HTR2A: variants seen among roughly 807,000 people sequenced by gnomAD.
HTR2A encodes the protein 5-hydroxytryptamine receptor 2A.
A neutral mutation model predicts 31.0 loss-of-function variants in HTR2A; 14 were observed. The observed-to-expected ratio is 0.45, with a 90% confidence interval of 0.30 to 0.71. HTR2A has a LOEUF of 0.71. HTR2A is among the 30% of genes least tolerant of loss of function. The pLI, the probability that HTR2A is intolerant of heterozygous loss-of-function variation, is 0.09. For synonymous variants in HTR2A, 209 were observed against 225.2 expected (o/e 0.93, Z 0.64); for missense variants, 442 against 573.3 (o/e 0.77, Z 2.34).
At chr13:46,885,849 T>C (rs1951001608) in intron 3 of HTR2A, among the ~76,000 whole-genome samples, 1 of 152,240 alleles carries the variant, frequency 6.6e-6, no homozygotes, top group African/African-American at 2.4e-5. Context: ...ACATGTTAAA[T>C]AAGTTTTATT....
At chr13:46,885,419 T>C (rs1006327484) in intron 3 of HTR2A, among the ~76,000 whole-genome samples, 2 of 152,208 alleles carry the variant, frequency 1.3e-5, no homozygotes, top group African/African-American at 4.8e-5. Context: ...GTTAACTGGG[T>C]AAATAAAACT....
In HTR2A at chr13:46,881,895, C is replaced by A. The variant is rs559182448; in HGVS notation, c.613+10495G>T. Among the ~76,000 whole-genome samples, 4 of 152,154 alleles carry A rather than the reference C, an allele frequency of 2.6e-5. No individual in the cohort carries two copies. In the East Asian group the frequency reaches 5.8e-4, roughly 22 times the overall value. On this transcript the variant is annotated intron_variant, in intron 3 of 3. Transcript: ENST00000542664. ...TACTCAGTTGATTTATTTTTTCAAGCATTTTTTTTCCAGAAGATACGGTAT... is the reference window on the plus strand; with the variant it reads ...TACTCAGTTGATTTATTTTTTCAAGAATTTTTTTTCCAGAAGATACGGTAT...
chr13:46,839,919 T>C (rs1950585812), intron 3 of HTR2A, among the ~76,000 whole-genome samples: 2 of 152,144 alleles, frequency 1.3e-5, no homozygotes, highest in Admixed American at 6.5e-5. Context: ...TTCTTAATCT[T>C]GGACTTTTTC....
rs1438759551 is a variant in HTR2A, at chr13:46,895,067, T to C, written c.412+428A>G. On this transcript the variant is annotated intron_variant, in intron 2 of 3. Coordinates refer to ENST00000542664, the MANE Select transcript of HTR2A (RefSeq NM_000621.5). This position sits in a 1 kb window ranked among gnomAD's most constrained non-coding sequence, Gnocchi z 4.4. ...TCCATTAAAAGTGCTGAAAACTGTG[T>C]GACAAAGATTAAAACTGTTCTGTCC... Among the ~76,000 whole-genome samples the C allele has an allele frequency of 6.6e-6, 1 of 152,202 alleles. No individual in the cohort carries two copies. The highest frequency in any genetic ancestry group is 1.5e-5 in the Non-Finnish European group (1 of 68,032).
chr13:46,866,625 G>C (rs970726183), intron 3 of HTR2A, among the ~76,000 whole-genome samples: 1 of 152,152 alleles, frequency 6.6e-6, no homozygotes, highest in African/African-American at 2.4e-5. Context: ...TTAGGAACTG[G>C]GGAGTCATCA....
chr13:46,865,318 G>A (rs1190779159), intron 3 of HTR2A, among the ~76,000 whole-genome samples: 1 of 152,178 alleles, frequency 6.6e-6, no homozygotes, highest in Non-Finnish European at 1.5e-5. Context: ...CAAGTGATAG[G>A]GAGGAAAGAG....
chr13:46,842,787 C>T (rs1593426540), intron 3 of HTR2A, among the ~76,000 whole-genome samples: 1 of 152,258 alleles, frequency 6.6e-6, no homozygotes, highest in South Asian at 2.1e-4. Context: ...CAACCAGTCA[C>T]AGAGTGTGAT....
chr13:46,845,510 C>T (rs1950634622), intron 3 of HTR2A, among the ~76,000 whole-genome samples: 1 of 152,034 alleles, frequency 6.6e-6, no homozygotes, highest in African/African-American at 2.4e-5. Flanking sequence ...TTTGTTCCTT[C>T]ATCCATCAAT....
At chr13:46,859,203 C>A (rs556838366) in intron 3 of HTR2A, among the ~76,000 whole-genome samples, 1 of 152,080 alleles carries the variant, frequency 6.6e-6, no homozygotes, top group African/African-American at 2.4e-5. Context: ...AAGAGAAGTA[C>A]CTATAATTTG....
In HTR2A at chr13:46,832,484, C is replaced by T. The variant is rs1447812980; in HGVS notation, c.*2353G>A. On this transcript the variant is annotated 3_prime_UTR_variant, in exon 4 of 4. Coordinates refer to ENST00000542664, the MANE Select transcript of HTR2A (RefSeq NM_000621.5). ...TAGTCAAAAGACATCTATCAGGCAA[C>T]ATTAATGTACATTCTGATCAAGATT... 3 of 152,144 alleles carry T rather than the reference C, an allele frequency of 2.0e-5. No homozygotes were observed. Among genetic ancestry groups the T allele is most frequent in the Non-Finnish European group, 4.4e-5 (3 of 68,010 alleles). 9.4% of individuals were successfully genotyped at this position (152,144 alleles called of 1,614,324 possible). A position where few individuals can be genotyped will look rare whatever the true frequency, so the allele number is the denominator to read the frequency against.
intron 3 of HTR2A, among the ~76,000 whole-genome samples, chr13:46,850,043 G>A (rs1950670843): frequency 6.6e-6 from 1 of 152,128 alleles, no homozygotes; most frequent in South Asian, 2.1e-4. Flanking sequence ...AGTTATCTTG[G>A]CAAGGGCAAG....
chr13:46,863,630 G>GAAAAGAAAAAA (rs1950796811), intron 3 of HTR2A, among the ~76,000 whole-genome samples: 1 of 59,254 alleles, frequency 1.7e-5, no homozygotes, highest in South Asian at 8.5e-4. Context: ...CCCTCAAAAT[G>GAAAAGAAAAAA]AAAAAAAAAA....
chr13:46,885,677 A>G (rs1164523603), intron 3 of HTR2A, among the ~76,000 whole-genome samples: 1 of 152,228 alleles, frequency 6.6e-6, no homozygotes, highest in African/African-American at 2.4e-5. Context: ...CCCAAGAACA[A>G]ATAATTCACA....
chr13:46,855,025 G>A (rs1298978302), intron 3 of HTR2A, among the ~76,000 whole-genome samples: 2 of 152,186 alleles, frequency 1.3e-5, no homozygotes, highest in Non-Finnish European at 2.9e-5. Context: ...GAGATTGGGA[G>A]ACGGAACTAT....
At chr13:46,848,053 C>G (rs1950656718) in intron 3 of HTR2A, among the ~76,000 whole-genome samples, 2 of 152,174 alleles carry the variant, frequency 1.3e-5, no homozygotes, top group Non-Finnish European at 2.9e-5. Flanking sequence ...CCATCCAGCT[C>G]AGGAAAGCCC....
Position 46,896,867 on chromosome 13 carries a change from T to G in HTR2A, c.-522A>C. ...TGAGCCAGCTCCCGCACTGCTAGGA[T>G]CCTGTTGGCTTCCTCTGGCACGGCT... is the stretch of plus-strand genomic sequence containing the variant. On this transcript the variant is annotated 5_prime_UTR_variant, in exon 1 of 4. Coordinates refer to ENST00000542664, the MANE Select transcript of HTR2A (RefSeq NM_000621.5). 1 of 1,531,892 alleles carries G rather than the reference T, an allele frequency of 6.5e-7. No homozygotes were observed. The highest frequency in any genetic ancestry group is 1.2e-5 in the South Asian group (1 of 83,104). 94.9% of individuals were successfully genotyped at this position (1,531,892 alleles called of 1,614,324 possible). A position where few individuals can be genotyped will look rare whatever the true frequency, so the allele number is the denominator to read the frequency against.
chr13:46,834,872 T>C lies in HTR2A; in HGVS notation c.1381A>G (p.Ser461Gly). Residue 461 changes from serine (S) to glycine (G), a missense_variant, in exon 4 of 4, where the codon AGC becomes GGC. Physicochemically the swap from Ser to Gly is moderately conservative, Grantham distance 56. Coordinates refer to ENST00000542664, the MANE Select transcript of HTR2A (RefSeq NM_000621.5). ...CTCACCTTTTCATTCACTCCGTCGC[T>C]ATTGTCTTTAGAAGCCTCTTCAGAA... is the stretch of plus-strand genomic sequence containing the variant. Reference protein sequence around the residue: ...QHSEEASKDNSDGVNEKVSCV With the variant: ...QHSEEASKDNGDGVNEKVSCV 1 of 1,613,888 alleles carries C rather than the reference T, an allele frequency of 6.2e-7. No homozygotes were observed. Among genetic ancestry groups the C allele is most frequent in the Non-Finnish European group, 8.5e-7 (1 of 1,179,864 alleles).
chr13:46,880,003 T>C (rs1474856400), intron 3 of HTR2A, among the ~76,000 whole-genome samples: 2 of 65,090 alleles, frequency 3.1e-5, no homozygotes, highest in Non-Finnish European at 6.2e-5. Context: ...AGACCCTGTA[T>C]CAAAAACAAA....
Position 46,864,065 on chromosome 13 carries a change from T to C in HTR2A, c.613+28325A>G, listed in dbSNP as rs148884901. 9.2e-3 allele frequency among the ~76,000 whole-genome samples: 1,394 copies of C among 152,300 alleles called. 19 individuals carry two copies. Among genetic ancestry groups the C allele is most frequent in the African/African-American group, 0.032 (1,309 of 41,552 alleles). ...GGATAAAGAAAATGTGGTACATATA[T>C]ACCATAGAATACTATGCAGTCATAA... On this transcript the variant is annotated intron_variant, in intron 3 of 3. Transcript: ENST00000542664.
Sources: gnomAD v4.1 joint callset for allele counts (sites outside exome capture counted in the v4.1 genomes callset) on GRCh38, gnomAD v4.1.1 for gene constraint, Gnocchi (gnomAD v3.1) non-coding constraint, MANE v1.5 for transcripts, NCBI Gene and HGNC (gene_info 2026-07-23, HGNC 2026-07-21) for gene names.